Variants in IGF2R observed in about 807,000 individuals in gnomAD.
IGF2R encodes the protein cation-independent mannose-6-phosphate receptor.
In IGF2R, 91 loss-of-function variants were observed where a neutral mutation model predicts 270.6. The observed-to-expected ratio is 0.34, with a 90% CI of 0.28 to 0.40. The LOEUF (loss-of-function observed/expected upper bound fraction) is 0.40. IGF2R is among the 10% of genes least tolerant of loss of function. The probability of loss-of-function intolerance (pLI) is 1.00; values close to 1 mark genes in which losing one functional copy is unlikely to be tolerated. For missense variants in IGF2R, 2,805 were observed against 3,188.3 expected (o/e 0.88, Z 2.90); for synonymous variants, 1,316 against 1,258.9 (o/e 1.05, Z -0.96).
intron 4 of IGF2R, among the ~76,000 whole-genome samples, chr6:160,014,563 T>C (rs999988645): frequency 3.3e-5 from 5 of 152,236 alleles, no homozygotes; most frequent in Non-Finnish European, 5.9e-5. Context: ...AGTGTCTTGG[T>C]GAAATGCAGC....
chr6:160,041,776 C>G (rs938229411), intron 11 of IGF2R, among the ~76,000 whole-genome samples: 1 of 152,082 alleles, frequency 6.6e-6, no homozygotes, highest in African/African-American at 2.4e-5. Context: ...GGTTAAACAC[C>G]CTGTGTGCTG....
rs545310630 is a variant in IGF2R at position 160,073,077 on chromosome 6, G to A, written c.4691-136G>A. 9.3e-6 allele frequency: 13 copies of A among 1,398,104 alleles called. No homozygotes were observed. In the East Asian group the frequency reaches 3.0e-4, roughly 32 times the overall value. The allele number at this position is 1,398,104 out of a possible 1,614,324, so 86.6% of individuals were successfully genotyped here. ...AATGAACATTCAATGTAAAACAATGGTTAAAGCCGGATTGGACACTTGAAG... is the reference window on the plus strand; with the variant it reads ...AATGAACATTCAATGTAAAACAATGATTAAAGCCGGATTGGACACTTGAAG... On this transcript the variant is annotated intron_variant, in intron 33 of 47. Coordinates refer to ENST00000356956, the MANE Select transcript of IGF2R (RefSeq NM_000876.4).
intron 22 of IGF2R, 23 bp downstream of exon 22, chr6:160,059,121 T>G: frequency 6.2e-7 from 1 of 1,604,846 alleles, no homozygotes; most frequent in South Asian, 1.1e-5. Context: ...CCATGTTGTT[T>G]TGTAGCTAAA....
chr6:160,072,239 A>C (rs8191882), intron 32 of IGF2R, among the ~76,000 whole-genome samples: 6 of 151,876 alleles, frequency 4.0e-5, no homozygotes, highest in Non-Finnish European at 7.4e-5. Flanking sequence ...TGGAGGAGAG[A>C]ATGCTCCCAC....
At chr6:160,002,435 A>G (rs1784144784) in intron 2 of IGF2R, among the ~76,000 whole-genome samples, 1 of 152,190 alleles carries the variant, frequency 6.6e-6, no homozygotes. Context: ...TATGTTTATT[A>G]TTCATTGAGC....
chr6:160,002,474 G>A (rs1361677500), intron 2 of IGF2R, among the ~76,000 whole-genome samples: 1 of 152,138 alleles, frequency 6.6e-6, no homozygotes, highest in East Asian at 1.9e-4. Context: ...AAAGATCTTC[G>A]TCCTTATTGT....
At chr6:159,975,701 T>C (rs985646255) in intron 1 of IGF2R, among the ~76,000 whole-genome samples, 4 of 146,648 alleles carry the variant, frequency 2.7e-5, no homozygotes, top group African/African-American at 9.9e-5. Context: ...TATATATATA[T>C]AAAGTATATG....
Position 160,073,881 on chromosome 6 carries a change from A to G in IGF2R, c.5072A>G (p.Tyr1691Cys). Residue 1691 changes from tyrosine (Y) to cysteine (C), a missense_variant, in exon 35 of 48, where the codon TAC becomes TGC. Tyr to Cys is a radical substitution (Grantham distance 194). Transcript: ENST00000356956. ...DDASDTNPDF[Y>C]INICQPLNPM... ...GCCTCCGATACCAACCCTGATTTCT[A>G]CATCAATATTTGTCAGCCACTAAAT... 1.2e-6 allele frequency: 2 copies of G among 1,614,074 alleles called. No homozygotes were observed. The highest frequency in any genetic ancestry group is 1.7e-6 in the Non-Finnish European group (2 of 1,179,988).
rs1305945092 is a variant in IGF2R, at chr6:160,102,694, T to C, written c.6995+23T>C. 6 of 1,567,362 alleles carry C rather than the reference T, an allele frequency of 3.8e-6. No homozygotes were observed. The highest frequency in any genetic ancestry group is 1.3e-5 in the African/African-American group (1 of 74,150). ...GAGGTAAGCGGGTGGCAGGGCGAGG[T>C]GGGGCGGGTGGATGCATGCCTCCCA... On this transcript the variant is annotated intron_variant, in intron 46 of 47. Coordinates refer to ENST00000356956, the MANE Select transcript of IGF2R (RefSeq NM_000876.4). This position sits in a 1 kb window ranked among gnomAD's most constrained non-coding sequence, Gnocchi z 4.5.
rs777659419 is a variant in IGF2R, at chr6:160,027,188, C to G, written c.650C>G (p.Thr217Arg). Residue 217 changes from threonine to arginine, a missense_variant, in exon 6 of 48, where the codon ACA (threonine) becomes AGA (arginine). Thr to Arg is a moderately conservative substitution (Grantham distance 71). This residue lies in a region of IGF2R where 954 missense variants were observed against 981.1 expected (regional missense o/e 0.97). Transcript: ENST00000356956. ...LFINVCRDIDTLRDPGSQLRA... is the reference protein window; with the variant it reads ...LFINVCRDIDRLRDPGSQLRA... ...TAATGTAATACATGATTTTCAGACA[C>G]ACTACGAGACCCAGGTTCACAGCTG... 1.9e-6 allele frequency: 3 copies of G among 1,614,080 alleles called. No homozygotes were observed. The highest frequency in any genetic ancestry group is 2.5e-6 in the Non-Finnish European group (3 of 1,180,034).
At chr6:160,012,402 C>T (rs4709389) in intron 4 of IGF2R, among the ~76,000 whole-genome samples, 77,950 of 151,782 alleles carry the variant, frequency 0.51, 20,402 homozygotes, top group East Asian at 0.82. Context: ...CTCACAGTTC[C>T]GCAGGTTGTA....
rs372915301 is a variant in IGF2R at position 160,104,743 on chromosome 6, C to G, written c.7135C>G (p.Pro2379Ala). The G allele has an allele frequency of 3.1e-6, 5 of 1,613,954 alleles. No individual in the cohort carries two copies. The highest frequency in any genetic ancestry group is 1.3e-5 in the African/African-American group (1 of 74,898). Reference sequence around the variant, plus strand: ...GATGGAAGAGATCCAGCTGCCTCCTCCACGGCAGGGAAAGGAAGGGCAGGA... The same window carrying G: ...GATGGAAGAGATCCAGCTGCCTCCTGCACGGCAGGGAAAGGAAGGGCAGGA... The part of the protein sequence containing the change: ...WLMEEIQLPP[P>A]RQGKEGQENG... Residue 2379 changes from proline to alanine, a missense_variant, in exon 48 of 48, where the codon CCA (proline) becomes GCA (alanine). By Grantham distance (27) the Pro-to-Ala change is conservative (BLOSUM62 -1). Coordinates refer to ENST00000356956, the MANE Select transcript of IGF2R (RefSeq NM_000876.4).
intron 4 of IGF2R, among the ~76,000 whole-genome samples, chr6:160,017,933 C>T (rs1306852703): frequency 6.6e-6 from 1 of 152,086 alleles, no homozygotes; most frequent in South Asian, 2.1e-4. Context: ...TCTTATAAAA[C>T]AATTATTCAA....
chr6:160,082,334 A>C (rs1258141923), intron 39 of IGF2R, among the ~76,000 whole-genome samples: 1 of 145,310 alleles, frequency 6.9e-6, no homozygotes, highest in East Asian at 2.0e-4. Context: ...TTTGAGATGG[A>C]GTTTTGCTCT....
chr6:160,103,794 C>T lies in IGF2R; in HGVS notation c.7044C>T (p.Asn2348=), dbSNP rs766005573. ...CCACTTGCTGTAGGAGAAGTTCCAA[C>T]GTGTCCTACAAATACTCAAAGGTAA... ...KLTTCCRRSS[N]VSYKYSKVNK... is the part of the protein sequence containing the mutation. The change falls in exon 47 of 48, where the codon AAC becomes AAT. Residue 2348 remains asparagine (N), a synonymous_variant. Transcript: ENST00000356956. 19 of 1,610,930 alleles carry T rather than the reference C, an allele frequency of 1.2e-5. No individual in the cohort carries two copies. Among genetic ancestry groups the T allele is most frequent in the South Asian group, 7.7e-5 (7 of 91,010 alleles).
rs1385517453 is a variant in IGF2R at position 160,061,811 on chromosome 6, G to A, written c.3465G>A (p.Val1155=). The change falls in exon 25 of 48, where the codon GTG becomes GTA. Residue 1155 remains valine (V), a synonymous_variant. Coordinates refer to ENST00000356956, the MANE Select transcript of IGF2R (RefSeq NM_000876.4). The part of the protein sequence containing the change: ...SEGNSWNLGV[V]QMSPQAAANG... ...GCAATAGCTGGAATCTGGGTGTGGT[G>A]CAGATGAGTCCCCAAGCCGCGGCGA... 2 of 1,614,068 alleles carry A rather than the reference G, an allele frequency of 1.2e-6. No homozygotes were observed. The highest frequency in any genetic ancestry group is 1.3e-5 in the African/African-American group (1 of 74,926).
chr6:160,100,382 G>T (rs896390476), intron 45 of IGF2R, among the ~76,000 whole-genome samples: 2 of 152,068 alleles, frequency 1.3e-5, no homozygotes, highest in African/African-American at 2.4e-5. Context: ...AAATATTAGG[G>T]ATAAAGAATA....
intron 1 of IGF2R, among the ~76,000 whole-genome samples, chr6:159,985,049 G>A (rs1453691655): frequency 2.6e-5 from 4 of 152,130 alleles, no homozygotes; most frequent in South Asian, 2.1e-4. Context: ...AAGGTGCTGC[G>A]AAGGGATAAC....
intron 5 of IGF2R, 152 bp from the exon 6 acceptor site, chr6:160,027,033 G>A (rs569595612): frequency 3.9e-6 from 3 of 772,628 alleles, no homozygotes; most frequent in Admixed American, 2.5e-5. Flanking sequence ...TTTGTTTGCA[G>A]AGGGTTAATG....
Sources: allele counts gnomAD v4.1 joint callset (sites outside exome capture counted in the v4.1 genomes callset), GRCh38; gene constraint gnomAD v4.1.1; regional missense constraint gnomAD v4.1.1; non-coding constraint Gnocchi (gnomAD v3.1); transcripts MANE v1.5; gene names NCBI Gene and HGNC (gene_info 2026-07-23, HGNC 2026-07-21).